Variants in PCDH15 observed in about 807,000 individuals in gnomAD.
PCDH15 encodes the protein protocadherin-15.
Under a neutral mutation model 178.5 loss-of-function variants are expected in PCDH15, and 129 were observed. The ratio of observed to expected loss-of-function variants is 0.72; its 90% CI spans 0.63 to 0.84. The LOEUF (loss-of-function observed/expected upper bound fraction) is 0.84, where lower values mean the gene tolerates loss of function less well. Among genes scored for constraint, PCDH15 ranks in the 40% least tolerant of loss-of-function variants. The pLI is 0.00. For missense variants in PCDH15, 2,230 were observed against 2,099.9 expected (o/e 1.06, Z -1.21); for synonymous variants, 800 against 732.0 (o/e 1.09, Z -1.50).
rs115984551 is a variant in PCDH15 at position 55,364,461 on chromosome 10, C to T, written c.-155-197810G>A. ...TACAGTCATTGAGTCATTGTTCTTT[C>T]GTATATAATGTATTTTTTTTCTGGA... On this transcript the variant is annotated intron_variant, in intron 2 of 5. Transcript: ENST00000613346. Among the ~76,000 whole-genome samples the T allele has an allele frequency of 4.4e-3, 665 of 152,040 alleles. 8 individuals are homozygous for T. Among genetic ancestry groups the T allele is most frequent in the African/African-American group, 0.015 (621 of 41,474 alleles).
At chr10:53,944,456 CAGA>C (rs2086355037) in intron 23 of PCDH15, among the ~76,000 whole-genome samples, 1 of 152,108 alleles carries the variant, frequency 6.6e-6, no homozygotes, top group Non-Finnish European at 1.5e-5. Flanking sequence ...AAACATTTCT[CAGA>C]AGGTTTTCTA....
At chr10:54,914,224 T>C (rs528417968) in intron 2 of PCDH15, among the ~76,000 whole-genome samples, 1 of 152,030 alleles carries the variant, frequency 6.6e-6, no homozygotes, top group South Asian at 2.1e-4. Flanking sequence ...AGTGATTGGA[T>C]CGGGAGGGCA....
intron 3 of PCDH15, among the ~76,000 whole-genome samples, chr10:54,878,407 A>C (rs1047722821): frequency 1.3e-5 from 2 of 152,336 alleles, no homozygotes; most frequent in South Asian, 4.1e-4. Flanking sequence ...AAATATGCAG[A>C]TATTCCACAA....
At chr10:55,498,058 T>C (rs1343021608) in intron 2 of PCDH15, among the ~76,000 whole-genome samples, 2 of 151,870 alleles carry the variant, frequency 1.3e-5, no homozygotes, top group African/African-American at 4.8e-5. Flanking sequence ...ATAAAATGGA[T>C]TCCAAAGATT....
At chr10:54,866,587 A>G (rs1953946221) in intron 3 of PCDH15, among the ~76,000 whole-genome samples, 3 of 152,206 alleles carry the variant, frequency 2.0e-5, no homozygotes, top group Admixed American at 1.3e-4. Context: ...AAAATGTCTC[A>G]TGAGTTCTCA....
At chr10:55,188,177 C>A (rs1839847869) in intron 1 of PCDH15, among the ~76,000 whole-genome samples, 1 of 151,976 alleles carries the variant, frequency 6.6e-6, no homozygotes, top group South Asian at 2.1e-4. Context: ...TAGGAAGTGA[C>A]AACCCAGAGT....
At chr10:55,297,358 T>A (rs1441672793) in intron 1 of PCDH15, among the ~76,000 whole-genome samples, 1 of 152,156 alleles carries the variant, frequency 6.6e-6, no homozygotes, top group Non-Finnish European at 1.5e-5. Context: ...TTTTAGTGAA[T>A]TTACATTAAA....
At chr10:54,174,706 T>C (rs1210154212) in intron 13 of PCDH15, among the ~76,000 whole-genome samples, 11 of 130,030 alleles carry the variant, frequency 8.5e-5, no homozygotes, top group African/African-American at 3.3e-4. Flanking sequence ...TCTTTTCTTT[T>C]TTTTTTTTTT....
rs957080336 is a variant in PCDH15, at chr10:54,198,632, G to T, written c.1099-2743C>A. Among the ~76,000 whole-genome samples, 10 of 111,316 alleles carry T rather than the reference G, an allele frequency of 9.0e-5. 1 individual carries two copies. Among genetic ancestry groups the T allele is most frequent in the Admixed American group, 4.8e-4 (5 of 10,480 alleles). 73.0% of individuals were successfully genotyped at this position (111,316 alleles called of 152,430 possible). On this transcript the variant is annotated intron_variant, in intron 10 of 37. Coordinates refer to ENST00000644397, the MANE Select transcript of PCDH15 (RefSeq NM_001384140.1). ...TTCTCCTGCCTCAGCCTCCCAAGTA[G>T]TTGGGACTACAGGCGCCCGCCACTA...
At chr10:54,468,469 T>C (rs1290291886) in intron 3 of PCDH15, among the ~76,000 whole-genome samples, 2 of 152,058 alleles carry the variant, frequency 1.3e-5, no homozygotes, top group African/African-American at 4.8e-5. Context: ...AATATAGTTT[T>C]CAAAGTTCTT....
chr10:54,067,523 G>A (rs1377744977), intron 17 of PCDH15, among the ~76,000 whole-genome samples: 1 of 152,078 alleles, frequency 6.6e-6, no homozygotes, highest in Non-Finnish European at 1.5e-5. Context: ...TCCCTGGCCT[G>A]CTGCAGTCAA....
chr10:54,302,519 C>T (rs530646189), intron 8 of PCDH15, among the ~76,000 whole-genome samples: 2 of 152,252 alleles, frequency 1.3e-5, no homozygotes, highest in African/African-American at 4.8e-5. Flanking sequence ...AGAGACCCGT[C>T]GCACATTCCA....
intron 18 of PCDH15, among the ~76,000 whole-genome samples, chr10:54,042,101 G>C (rs1219264100): frequency 6.6e-6 from 1 of 152,050 alleles, no homozygotes; most frequent in Non-Finnish European, 1.5e-5. Flanking sequence ...AAACTGGGGA[G>C]GCTCTGATGG....
chr10:54,656,236 G>A (rs1016098435), intron 2 of PCDH15, among the ~76,000 whole-genome samples: 2 of 152,056 alleles, frequency 1.3e-5, no homozygotes, highest in African/African-American at 2.4e-5. Flanking sequence ...ATGAGAGCCA[G>A]GACCTGTCAG....
chr10:55,026,815 TAGA>T (rs983493380), intron 2 of PCDH15, among the ~76,000 whole-genome samples: 1 of 151,938 alleles, frequency 6.6e-6, no homozygotes, highest in African/African-American at 2.4e-5. Flanking sequence ...AATAGCCAGT[TAGA>T]AGAAGTTTAA....
chr10:54,439,170 A>G (rs2075634622), intron 3 of PCDH15, among the ~76,000 whole-genome samples: 1 of 152,086 alleles, frequency 6.6e-6, no homozygotes, highest in Non-Finnish European at 1.5e-5. Flanking sequence ...TAGGAATTTT[A>G]AAGCTGTGAA....
At chr10:55,480,027 TC>T (rs35785493) in intron 2 of PCDH15, among the ~76,000 whole-genome samples, 51,810 of 151,422 alleles carry the variant, frequency 0.34, 9,111 homozygotes, top group East Asian at 0.51. Flanking sequence ...TTTCTTCCAG[TC>T]TGTGAAGAAT....
intron 3 of PCDH15, among the ~76,000 whole-genome samples, chr10:54,481,644 T>C (rs1431142333): frequency 6.6e-6 from 1 of 151,824 alleles, no homozygotes; most frequent in African/African-American, 2.4e-5. Flanking sequence ...TCTGGAAAGA[T>C]AGACTTTTAT....
chr10:54,987,244 T>C (rs1165984468), intron 2 of PCDH15, among the ~76,000 whole-genome samples: 2 of 152,200 alleles, frequency 1.3e-5, no homozygotes, highest in Non-Finnish European at 2.9e-5. Flanking sequence ...ATGTGCCATA[T>C]TTGCTTTATC....
Sources: gnomAD v4.1 joint callset for allele counts (sites outside exome capture counted in the v4.1 genomes callset) on GRCh38, gnomAD v4.1.1 for gene constraint, MANE v1.5 for transcripts, NCBI Gene and HGNC (gene_info 2026-07-23, HGNC 2026-07-21) for gene names.